Variants in C14orf39 observed in about 807,000 individuals in gnomAD.
The protein encoded by C14orf39 is protein SIX6OS1.
In C14orf39, 66 loss-of-function variants were observed where a neutral mutation model predicts 85.6. The ratio of observed to expected loss-of-function variants is 0.77; its 90% CI spans 0.63 to 0.95. The LOEUF (loss-of-function observed/expected upper bound fraction) is 0.95. Ranked by LOEUF, C14orf39 falls within the 40% of genes least tolerant of loss-of-function variation. The probability of loss-of-function intolerance (pLI) is 0.00; values close to 1 mark genes in which losing one functional copy is unlikely to be tolerated. For missense variants in C14orf39, 735 were observed against 663.9 expected (o/e 1.11, Z -1.18); for synonymous variants, 242 against 214.0 (o/e 1.13, Z -1.14).
At chr14:60,481,802 G>A (rs2140156266) in intron 4 of C14orf39, among the ~76,000 whole-genome samples, 1 of 151,922 alleles carries the variant, frequency 6.6e-6, no homozygotes, top group Non-Finnish European at 1.5e-5. Flanking sequence ...TTTTCTAATA[G>A]GACTTTTGCT....
rs1350632957 is a variant in C14orf39 at position 60,491,241 on chromosome 14, T to C, written c.-8-6155A>G. ...AACACTGAGGCACTGGCAGATTCAG[T>C]GTCTGGTAAGGGCACACTCTTTGCT... On this transcript the variant is annotated intron_variant, in intron 2 of 5. Coordinates refer to the C14orf39 transcript ENST00000556799. The surrounding 1 kb of genome is among the most constrained non-coding windows in gnomAD (Gnocchi z 4.5). Among the ~76,000 whole-genome samples the C allele has an allele frequency of 6.6e-6, 1 of 152,142 alleles. No individual in the cohort carries two copies. Among genetic ancestry groups the C allele is most frequent in the Non-Finnish European group, 1.5e-5 (1 of 68,026 alleles).
upstream of C14orf39, among the ~76,000 whole-genome samples, chr14:60,487,488 A>C (rs1892916835): frequency 1.7e-5 from 1 of 59,668 alleles, no homozygotes; most frequent in African/African-American, 5.1e-5. Context: ...GCTGAATAAA[A>C]GTCCGTGTGT....
chr14:60,490,798 G>GCTCACATCACTATCATGAGCACTACCA (rs1480823266), upstream of C14orf39, among the ~76,000 whole-genome samples: 2 of 152,110 alleles, frequency 1.3e-5, no homozygotes, highest in African/African-American at 2.4e-5. Flanking sequence ...GAGGACTGCA[G>GCTCACATCACTATCATGAGCACTACCA]CTCACATCAC....
intron 5 of C14orf39, 27 bp from the exon 6 acceptor site, chr14:60,471,766 T>C (rs1279440827): frequency 1.5e-6 from 2 of 1,345,070 alleles, no homozygotes; most frequent in African/African-American, 3.0e-5. Flanking sequence ...AAATGATGTT[T>C]ATATAACAAC....
rs919948044 is a variant in C14orf39 at position 60,491,387 on chromosome 14, C to T, written c.-8-6301G>A. On this transcript the variant is annotated intron_variant, in intron 2 of 5. Coordinates refer to the C14orf39 transcript ENST00000556799. This position sits in a 1 kb window ranked among gnomAD's most constrained non-coding sequence, Gnocchi z 4.5. ...AGGCACTAATACTAAGCCCTCATCACGCCTCTTAATACTATTACATTAGGG... is the reference window on the plus strand; with the variant it reads ...AGGCACTAATACTAAGCCCTCATCATGCCTCTTAATACTATTACATTAGGG... Among the ~76,000 whole-genome samples, 2 of 152,162 alleles carry T rather than the reference C, an allele frequency of 1.3e-5. No individual in the cohort carries two copies. The highest frequency in any genetic ancestry group is 2.4e-5 in the African/African-American group (1 of 41,434).
intron 2 of C14orf39, among the ~76,000 whole-genome samples, chr14:60,493,591 A>C (rs1404874841): frequency 1.3e-5 from 2 of 152,126 alleles, no homozygotes; most frequent in African/African-American, 2.4e-5. Context: ...CCAAAATTTA[A>C]AAAAAAAATC....
intron 16 of C14orf39, 38 bp from the exon 17 acceptor site, chr14:60,442,169 C>A (rs1890546010): frequency 7.6e-7 from 1 of 1,318,386 alleles, no homozygotes; most frequent in South Asian, 1.2e-5. Flanking sequence ...CTTGTGAAAT[C>A]AGTAGGACAG....
chr14:60,442,289 T>C (rs1031795958), intron 16 of C14orf39, among the ~76,000 whole-genome samples, 158 bp from the exon 17 acceptor site: 1 of 152,168 alleles, frequency 6.6e-6, no homozygotes, highest in Non-Finnish European at 1.5e-5. Context: ...AAAAGATCTA[T>C]CTTCAAAACC....
chr14:60,492,882 A>G (rs948536130), intron 2 of C14orf39, among the ~76,000 whole-genome samples: 45 of 152,236 alleles, frequency 3.0e-4, no homozygotes, highest in African/African-American at 1.0e-3. Context: ...TACTTAGGAA[A>G]AAAATCTTCA....
Position 60,455,098 on chromosome 14 carries a change from G to T in C14orf39, c.1406C>A (p.Ser469Tyr). The T allele has an allele frequency of 6.4e-7, 1 of 1,570,248 alleles. No individual in the cohort carries two copies. The highest frequency in any genetic ancestry group is 8.6e-7 in the Non-Finnish European group (1 of 1,163,844). The change falls in exon 16 of 18, where the codon TCC (serine) becomes TAC (tyrosine). Residue 469 changes from serine to tyrosine, a missense_variant. Coordinates refer to ENST00000321731, the MANE Select transcript of C14orf39 (RefSeq NM_174978.3). Reference sequence around the variant, plus strand: ...ACTCATAAGAAAAGAAAGTCCAGGGGATTCCTTTTCTGTTTGAACTTCAGG... The same window carrying T: ...ACTCATAAGAAAAGAAAGTCCAGGGTATTCCTTTTCTGTTTGAACTTCAGG... ...AVPEVQTEKE[S>Y]PGLSFLMSYT...
At chr14:60,475,390 C>A (rs1892323656) in intron 5 of C14orf39, among the ~76,000 whole-genome samples, 1 of 151,950 alleles carries the variant, frequency 6.6e-6, no homozygotes, top group Non-Finnish European at 1.5e-5. Context: ...TCTTATTTGA[C>A]CTGTGCTCGA....
At chr14:60,437,267 T>C (rs1389574066) in intron 17 of C14orf39, among the ~76,000 whole-genome samples, 1 of 151,960 alleles carries the variant, frequency 6.6e-6, no homozygotes, top group Non-Finnish European at 1.5e-5. Context: ...TTTCAAGTAA[T>C]TTGAACTCTA....
chr14:60,452,303 C>T (rs183958678), intron 16 of C14orf39, among the ~76,000 whole-genome samples: 45 of 151,608 alleles, frequency 3.0e-4, no homozygotes, highest in Middle Eastern at 3.4e-3. Flanking sequence ...TAAAGGAAGA[C>T]AGGAAGAAAG....
intron 1 of C14orf39, chr14:60,511,431 G>C: frequency 1.4e-6 from 1 of 711,292 alleles, no homozygotes; most frequent in Non-Finnish European, 2.4e-6. Flanking sequence ...GGCTTCACTG[G>C]CGCCCTTTGG....
At chr14:60,461,007 TC>T (rs1220582677) in intron 13 of C14orf39, among the ~76,000 whole-genome samples, 1 of 151,568 alleles carries the variant, frequency 6.6e-6, no homozygotes. Flanking sequence ...AGAAATAACC[TC>T]AACAGTATAT....
chr14:60,499,966 G>T (rs929560179), intron 1 of C14orf39, among the ~76,000 whole-genome samples: 15 of 152,296 alleles, frequency 9.8e-5, no homozygotes, highest in African/African-American at 2.9e-4. Context: ...CATCTATCAA[G>T]TTGGGAAAGA....
At chr14:60,487,304 C>T (rs1892913403), upstream of C14orf39, among the ~76,000 whole-genome samples, 1 of 152,200 alleles carries the variant, frequency 6.6e-6, no homozygotes, top group South Asian at 2.1e-4. Flanking sequence ...CAGCCACTGG[C>T]AACCACCATT....
chr14:60,466,649 C>A, intron 10 of C14orf39, among the ~76,000 whole-genome samples: 1 of 151,682 alleles, frequency 6.6e-6, no homozygotes, highest in Non-Finnish European at 1.5e-5. Context: ...GTAATTTTTC[C>A]TCCTCCTCTA....
upstream of C14orf39, among the ~76,000 whole-genome samples, chr14:60,487,904 T>C (rs1192792721): frequency 6.6e-6 from 1 of 152,202 alleles, no homozygotes; most frequent in Non-Finnish European, 1.5e-5. Context: ...TGTTGGCGAT[T>C]TGCACATCTT....
Sources: allele counts gnomAD v4.1 joint callset (sites outside exome capture counted in the v4.1 genomes callset), GRCh38; gene constraint gnomAD v4.1.1; non-coding constraint Gnocchi (gnomAD v3.1); transcripts MANE v1.5; gene names NCBI Gene and HGNC (gene_info 2026-07-23, HGNC 2026-07-21).